KRTAP10-11: variants seen among roughly 807,000 people sequenced by gnomAD.
The protein encoded by KRTAP10-11 is keratin associated protein 10-11, also known as keratin-associated protein 10-11.
For missense variants in KRTAP10-11, 401 were observed against 378.8 expected (o/e 1.06, Z -0.49); for synonymous variants, 188 against 161.1 (o/e 1.17, Z -1.27).
chr21:44,646,524 C>A, the KRTAP10-11 span: 1 of 1,612,816 alleles, frequency 6.2e-7, no homozygotes, highest in Non-Finnish European at 8.5e-7. Context: ...TGGACGACTG[C>A]CCAGAGAGCT....
Position 44,646,643 on chromosome 21 carries a change from G to C in KRTAP10-11, c.185G>C (p.Cys62Ser). ...CVSSPCCQAA[C>S]EPSACQSGCT... is the part of the protein sequence containing the mutation. ...TCCAGCCCCTGCTGCCAGGCGGCCT[G>C]TGAGCCCAGCGCCTGCCAATCAGGC... is the stretch of plus-strand genomic sequence containing the variant. Residue 62 changes from cysteine to serine, a missense_variant, in exon 1 of 1, where the codon TGT becomes TCT. Coordinates refer to ENST00000334670, the MANE Select transcript of KRTAP10-11 (RefSeq NM_198692.3). The C allele has an allele frequency of 1.2e-5, 19 of 1,613,562 alleles. No individual in the cohort carries two copies. Among genetic ancestry groups the C allele is most frequent in the Non-Finnish European group, 1.6e-5 (19 of 1,179,934 alleles).
chr21:44,646,935 C>T lies in KRTAP10-11; in HGVS notation c.477C>T (p.Ser159=). ...PVCCKPVCCV[S]TCSEDSSSCC... is the part of the protein sequence containing the mutation. ...GCTGCAAGCCTGTGTGCTGTGTGTC[C>T]ACCTGCTCTGAGGATTCCTCTTCAT... The change falls in exon 1 of 1, where the codon TCC becomes TCT. Residue 159 remains serine (S), a synonymous_variant. Coordinates refer to ENST00000334670, the MANE Select transcript of KRTAP10-11 (RefSeq NM_198692.3). The T allele has an allele frequency of 5.0e-6, 8 of 1,613,312 alleles. No homozygotes were observed. The highest frequency in any genetic ancestry group is 6.8e-6 in the Non-Finnish European group (8 of 1,179,840).
Position 44,646,740 on chromosome 21 carries a change from C to G in KRTAP10-11, c.282C>G (p.Pro94=), listed in dbSNP as rs782569455. 8 of 1,613,994 alleles carry G rather than the reference C, an allele frequency of 5.0e-6. No homozygotes were observed. In the African/African-American group the frequency reaches 8.0e-5, roughly 16 times the overall value. The change falls in exon 1 of 1, where the codon CCC becomes CCG. Residue 94 remains proline (P), a synonymous_variant. Transcript: ENST00000334670. ...AGCCGGCTTGCTGCACCTCCTCCCCCTGCCAGCAGGCCTGCTGTGTGCCTG... is the reference window on the plus strand; with the variant it reads ...AGCCGGCTTGCTGCACCTCCTCCCCGTGCCAGCAGGCCTGCTGTGTGCCTG... The part of the protein sequence containing the change: ...SCQPACCTSS[P]CQQACCVPVC...
Position 44,646,559 on chromosome 21 carries a change from C to T in KRTAP10-11, c.101C>T (p.Pro34Leu), listed in dbSNP as rs782052322. The change falls in exon 1 of 1, where the codon CCC (proline) becomes CTC (leucine). Residue 34 changes from proline (P) to leucine (L), a missense_variant. By Grantham distance (98) the Pro-to-Leu change is moderately conservative. Coordinates refer to ENST00000334670, the MANE Select transcript of KRTAP10-11 (RefSeq NM_198692.3). Reference protein sequence around the residue: ...ESCCEPPCSAPSCCAPAPSLS... With the variant: ...ESCCEPPCSALSCCAPAPSLS... ...TGCTGTGAGCCCCCCTGCAGCGCCC[C>T]CAGCTGCTGCGCCCCGGCCCCCTCC... 2 of 1,612,520 alleles carry T rather than the reference C, an allele frequency of 1.2e-6. No individual in the cohort carries two copies. Among genetic ancestry groups the T allele is most frequent in the Non-Finnish European group, 8.5e-7 (1 of 1,179,942 alleles).
rs199741274 is a variant in KRTAP10-11 at position 44,646,500 on chromosome 21, C to A, written c.42C>A (p.Ser14=). 1.4e-5 allele frequency: 22 copies of A among 1,612,964 alleles called. No homozygotes were observed. The highest frequency in any genetic ancestry group is 1.9e-5 in the Non-Finnish European group (22 of 1,179,958). The stretch of plus-strand genomic sequence containing the variant: ...TGTCTGTCTGCTCCAGCGCTTACTC[C>A]GACTCCTGGCAGGTGGACGACTGCC... The part of the protein sequence containing the change: ...STMSVCSSAY[S]DSWQVDDCPE... The change falls in exon 1 of 1, where the codon TCC becomes TCA. Residue 14 remains serine, a synonymous_variant. Transcript: ENST00000334670.
rs781879038 is a variant in KRTAP10-11, at chr21:44,646,989, T to C, written c.531T>C (p.Ala177=). ...SCCQQSSCQP[A]CCTSSSYQQA... ...GCCAGCAGTCTAGCTGCCAGCCAGC[T>C]TGCTGCACCTCCTCCTCCTACCAGC... The change falls in exon 1 of 1, where the codon GCT becomes GCC. Residue 177 remains alanine (A), a synonymous_variant. Transcript: ENST00000334670. 4 of 1,613,574 alleles carry C rather than the reference T, an allele frequency of 2.5e-6. No homozygotes were observed. In the East Asian group the frequency reaches 8.9e-5, roughly 36 times the overall value.
chr21:44,646,694 G>A lies in KRTAP10-11; in HGVS notation c.236G>A (p.Cys79Tyr), dbSNP rs782381267. The change falls in exon 1 of 1, where the codon TGC becomes TAC. Residue 79 changes from cysteine to tyrosine, a missense_variant. Cys to Tyr is a radical substitution (Grantham distance 194). Transcript: ENST00000334670. ...TGCACCAGCTCCTGCACGCCGTCAT[G>A]CTGCCAGCAGTCTAGCTGCCAGCCG... ...SGCTSSCTPS[C>Y]CQQSSCQPAC... 1.2e-6 allele frequency: 2 copies of A among 1,614,112 alleles called. No individual in the cohort carries two copies. Among genetic ancestry groups the A allele is most frequent in the Admixed American group, 3.3e-5 (2 of 60,028 alleles).
chr21:44,647,275 T>G lies in KRTAP10-11; in HGVS notation c.817T>G (p.Cys273Gly), dbSNP rs782076050. Residue 273 changes from cysteine to glycine, a missense_variant, in exon 1 of 1, where the codon TGC becomes GGC. Cys to Gly is a radical substitution (Grantham distance 159). Coordinates refer to ENST00000334670, the MANE Select transcript of KRTAP10-11 (RefSeq NM_198692.3). ...GTCCAGCTGCTGCCGCCCGGCCTCCTGCGTGTCCCTCCTCTGCCGCCCCGC... is the reference window on the plus strand; with the variant it reads ...GTCCAGCTGCTGCCGCCCGGCCTCCGGCGTGTCCCTCCTCTGCCGCCCCGC... ...CQSSCCRPAS[C>G]VSLLCRPASS... The G allele has an allele frequency of 6.2e-7, 1 of 1,602,050 alleles. No individual in the cohort carries two copies. Among genetic ancestry groups the G allele is most frequent in the Non-Finnish European group, 8.5e-7 (1 of 1,173,188 alleles).
Position 44,647,631 on chromosome 21 carries a change from T to C in KRTAP10-11, c.*276T>C. 1 of 496,858 alleles carries C rather than the reference T, an allele frequency of 2.0e-6. No homozygotes were observed. The highest frequency in any genetic ancestry group is 3.8e-6 in the Non-Finnish European group (1 of 266,192). 30.8% of individuals were successfully genotyped at this position (496,858 alleles called of 1,614,324 possible). A position where few individuals can be genotyped will look rare whatever the true frequency, so the allele number is the denominator to read the frequency against. ...GACAAAGAAGAACTGCTCTAATCAA[T>C]AAATTCTTGAGTCAGGAAATACGGG... On this transcript the variant is annotated 3_prime_UTR_variant, in exon 1 of 1. Coordinates refer to ENST00000334670, the MANE Select transcript of KRTAP10-11 (RefSeq NM_198692.3).
In KRTAP10-11 at chr21:44,647,059, C is replaced by T; in HGVS notation, c.601C>T (p.Pro201Ser). 1.2e-6 allele frequency: 2 copies of T among 1,613,770 alleles called. No homozygotes were observed. Among genetic ancestry groups the T allele is most frequent in the Non-Finnish European group, 1.7e-6 (2 of 1,179,914 alleles). ...CTGCTGCAAGACTGTCTACTGCAAGCCCATCTGCTGTGTGCCTGTCTGCTC... is the reference window on the plus strand; with the variant it reads ...CTGCTGCAAGACTGTCTACTGCAAGTCCATCTGCTGTGTGCCTGTCTGCTC... The part of the protein sequence containing the change: ...PVCCKTVYCK[P>S]ICCVPVCSRA... Residue 201 changes from proline (P) to serine (S), a missense_variant, in exon 1 of 1, where the codon CCC becomes TCC. Coordinates refer to ENST00000334670, the MANE Select transcript of KRTAP10-11 (RefSeq NM_198692.3).
Position 44,647,642 on chromosome 21 carries a change from G to C in KRTAP10-11, c.*287G>C, listed in dbSNP as rs1263558451. 4.2e-6 allele frequency: 2 copies of C among 473,326 alleles called. No homozygotes were observed. Among genetic ancestry groups the C allele is most frequent in the Non-Finnish European group, 7.9e-6 (2 of 251,652 alleles). 29.3% of individuals were successfully genotyped at this position (473,326 alleles called of 1,614,324 possible). A position where few individuals can be genotyped will look rare whatever the true frequency, so the allele number is the denominator to read the frequency against. On this transcript the variant is annotated 3_prime_UTR_variant, in exon 1 of 1. Coordinates refer to ENST00000334670, the MANE Select transcript of KRTAP10-11 (RefSeq NM_198692.3). ...ACTGCTCTAATCAATAAATTCTTGAGTCAGGAAATACGGGCTGGTGTGCAC... is the reference window on the plus strand; with the variant it reads ...ACTGCTCTAATCAATAAATTCTTGACTCAGGAAATACGGGCTGGTGTGCAC...
In KRTAP10-11 at chr21:44,646,579, C is replaced by T. The variant is rs781870151; in HGVS notation, c.121C>T (p.Pro41Ser). Reference sequence around the variant, plus strand: ...CGCCCCCAGCTGCTGCGCCCCGGCCCCCTCCCTGAGCCTGGTCTGCACCCC... The same window carrying T: ...CGCCCCCAGCTGCTGCGCCCCGGCCTCCTCCCTGAGCCTGGTCTGCACCCC... ...CSAPSCCAPA[P>S]SLSLVCTPVS... Residue 41 changes from proline to serine, a missense_variant, in exon 1 of 1, where the codon CCC (proline) becomes TCC (serine). Pro to Ser is a moderately conservative substitution (Grantham distance 74). Transcript: ENST00000334670. The T allele has an allele frequency of 3.1e-6, 5 of 1,612,296 alleles. No individual in the cohort carries two copies. In the African/African-American group the frequency reaches 4.0e-5, roughly 13 times the overall value.
chr21:44,647,365 C>A lies in KRTAP10-11; in HGVS notation c.*10C>A. On this transcript the variant is annotated 3_prime_UTR_variant, in exon 1 of 1. Transcript: ENST00000334670. ...GAAGTCCAGCTGCTGAGTGCTCAAT[C>A]CTTGTCTCCTGCTGACTGTGTCTTT... 6.2e-7 allele frequency: 1 copy of A among 1,611,234 alleles called. No individual in the cohort carries two copies. The highest frequency in any genetic ancestry group is 8.5e-7 in the Non-Finnish European group (1 of 1,177,948).
rs782544433 is a variant in KRTAP10-11, at chr21:44,647,011, C to A, written c.553C>A (p.Gln185Lys). The A allele has an allele frequency of 1.9e-6, 3 of 1,613,012 alleles. No homozygotes were observed. In the East Asian group the frequency reaches 6.7e-5, roughly 36 times the overall value. The change falls in exon 1 of 1, where the codon CAG (glutamine) becomes AAG (lysine). Residue 185 changes from glutamine to lysine, a missense_variant. By Grantham distance (53) the Gln-to-Lys change is moderately conservative. Coordinates refer to ENST00000334670, the MANE Select transcript of KRTAP10-11 (RefSeq NM_198692.3). ...AGCTTGCTGCACCTCCTCCTCCTAC[C>A]AGCAGGCCTGCTGCGTGCCTGTCTG... ...QPACCTSSSY[Q>K]QACCVPVCCK...
Position 44,646,934 on chromosome 21 carries a change from C to T in KRTAP10-11, c.476C>T (p.Ser159Phe), listed in dbSNP as rs1984443357. 6.8e-6 allele frequency: 11 copies of T among 1,612,652 alleles called. No homozygotes were observed. The highest frequency in any genetic ancestry group is 9.3e-6 in the Non-Finnish European group (11 of 1,179,770). The change falls in exon 1 of 1, where the codon TCC becomes TTC. Residue 159 changes from serine (S) to phenylalanine (F), a missense_variant. Transcript: ENST00000334670. The part of the protein sequence containing the change: ...PVCCKPVCCV[S>F]TCSEDSSSCC... ...TGCTGCAAGCCTGTGTGCTGTGTGT[C>T]CACCTGCTCTGAGGATTCCTCTTCA...
Position 44,647,374 on chromosome 21 carries a change from C to A in KRTAP10-11, c.*19C>A. On this transcript the variant is annotated 3_prime_UTR_variant, in exon 1 of 1. Transcript: ENST00000334670. ...CTGCTGAGTGCTCAATCCTTGTCTCCTGCTGACTGTGTCTTTGCTGCCAAG... is the reference window on the plus strand; with the variant it reads ...CTGCTGAGTGCTCAATCCTTGTCTCATGCTGACTGTGTCTTTGCTGCCAAG... The A allele has an allele frequency of 6.2e-7, 1 of 1,608,200 alleles. No homozygotes were observed. The highest frequency in any genetic ancestry group is 8.5e-7 in the Non-Finnish European group (1 of 1,175,880).
Position 44,647,358 on chromosome 21 carries a change from G to T in KRTAP10-11, c.*3G>T. 1.9e-6 allele frequency: 3 copies of T among 1,612,708 alleles called. No homozygotes were observed. The highest frequency in any genetic ancestry group is 1.1e-5 in the South Asian group (1 of 90,960). On this transcript the variant is annotated 3_prime_UTR_variant, in exon 1 of 1. Coordinates refer to ENST00000334670, the MANE Select transcript of KRTAP10-11 (RefSeq NM_198692.3). ...CAGGCAAGAAGTCCAGCTGCTGAGT[G>T]CTCAATCCTTGTCTCCTGCTGACTG... is the stretch of plus-strand genomic sequence containing the variant.
Position 44,646,957 on chromosome 21 carries a change from T to C in KRTAP10-11, c.499T>C (p.Ser167Pro). ...CVSTCSEDSS[S>P]CCQQSSCQPA... ...GTCCACCTGCTCTGAGGATTCCTCT[T>C]CATGCTGCCAGCAGTCTAGCTGCCA... The change falls in exon 1 of 1, where the codon TCA becomes CCA. Residue 167 changes from serine to proline, a missense_variant. Coordinates refer to ENST00000334670, the MANE Select transcript of KRTAP10-11 (RefSeq NM_198692.3). The C allele has an allele frequency of 6.2e-7, 1 of 1,613,364 alleles. No homozygotes were observed. Among genetic ancestry groups the C allele is most frequent in the Non-Finnish European group, 8.5e-7 (1 of 1,179,854 alleles).
In KRTAP10-11 at chr21:44,647,599, C is replaced by T; in HGVS notation, c.*244C>T. On this transcript the variant is annotated 3_prime_UTR_variant, in exon 1 of 1. Coordinates refer to ENST00000334670, the MANE Select transcript of KRTAP10-11 (RefSeq NM_198692.3). ...CCTTCTCCAAATGTGTTGCTTATAC[C>T]CAATGTGACAAAGAAGAACTGCTCT... The T allele has an allele frequency of 1.7e-6, 1 of 581,844 alleles. No homozygotes were observed. Among genetic ancestry groups the T allele is most frequent in the South Asian group, 2.2e-5 (1 of 46,058 alleles). The allele number at this position is 581,844 out of a possible 1,614,324, so 36.0% of individuals were successfully genotyped here.
Sources: allele counts gnomAD v4.1 joint callset, GRCh38; gene constraint gnomAD v4.1.1; transcripts MANE v1.5; gene names NCBI Gene and HGNC (gene_info 2026-07-23, HGNC 2026-07-21).